IL1RAPL1: variants seen among roughly 807,000 people sequenced by gnomAD.
IL1RAPL1 encodes interleukin-1 receptor accessory protein-like 1.
A neutral mutation model predicts 48.4 loss-of-function variants in IL1RAPL1; 3 were observed. That is an observed-to-expected ratio of 0.06 (90% CI 0.03 to 0.16). The LOEUF is 0.16. Ranked by LOEUF, IL1RAPL1 falls within the 10% of genes least tolerant of loss-of-function variation. The pLI, the probability that IL1RAPL1 is intolerant of heterozygous loss-of-function variation, is 1.00. For synonymous variants in IL1RAPL1, 185 were observed against 187.7 expected (o/e 0.99, Z 0.12); for missense variants, 349 against 530.6 (o/e 0.66, Z 3.36).
intron 5 of IL1RAPL1, among the ~76,000 whole-genome samples, chrX:29,532,762 G>T (rs773031938): frequency 8.9e-6 from 1 of 112,090 alleles, no homozygotes; most frequent in Non-Finnish European, 1.9e-5. Flanking sequence ...CAGTGCCCAT[G>T]ATGGCCTTTC....
At chrX:29,751,055 TA>T (rs1385774753) in intron 6 of IL1RAPL1, among the ~76,000 whole-genome samples, 1 of 111,548 alleles carries the variant, frequency 9.0e-6, no homozygotes, top group African/African-American at 3.3e-5. Flanking sequence ...ATTTTTATAT[TA>T]AAAGTCAAAT....
At chrX:29,840,149 C>T (rs1195976887) in intron 6 of IL1RAPL1, among the ~76,000 whole-genome samples, 1 of 111,371 alleles carries the variant, frequency 9.0e-6, no homozygotes, top group Admixed American at 9.6e-5. Context: ...ATCTTAAAGT[C>T]GGCTTGACAT....
chrX:29,202,952 C>G (rs1930585324), intron 2 of IL1RAPL1, among the ~76,000 whole-genome samples: 1 of 110,889 alleles, frequency 9.0e-6, no homozygotes, highest in Non-Finnish European at 1.9e-5. Flanking sequence ...CATCAAACCC[C>G]CATGACATGC....
At chrX:29,231,533 C>T (rs959805598) in intron 2 of IL1RAPL1, among the ~76,000 whole-genome samples, 1 of 111,730 alleles carries the variant, frequency 9.0e-6, no homozygotes, top group Non-Finnish European at 1.9e-5. Flanking sequence ...CTGTAGGTGG[C>T]TTATCTAACT....
At chrX:29,817,413 C>T (rs138601376) in intron 6 of IL1RAPL1, among the ~76,000 whole-genome samples, 2,068 of 110,925 alleles carry the variant, frequency 0.019, 54 homozygotes, top group African/African-American at 0.064. Flanking sequence ...CCCAATTGAT[C>T]TGCATTGCAC....
At chrX:29,387,900 C>T (rs1332207136) in intron 3 of IL1RAPL1, among the ~76,000 whole-genome samples, 2 of 106,653 alleles carry the variant, frequency 1.9e-5, no homozygotes, top group East Asian at 5.9e-4. Context: ...GGCTGAGGCA[C>T]GATAATTCCT....
chrX:28,831,473 A>G (rs1921054350), intron 2 of IL1RAPL1, among the ~76,000 whole-genome samples: 1 of 109,093 alleles, frequency 9.2e-6, no homozygotes. Context: ...TCAGCCAGCT[A>G]CCAGAGAGAT....
chrX:28,618,303 C>T (rs924681727), intron 1 of IL1RAPL1, among the ~76,000 whole-genome samples: 1 of 112,249 alleles, frequency 8.9e-6, no homozygotes, highest in African/African-American at 3.2e-5. Flanking sequence ...TCTACTGATA[C>T]ACAATAATTC....
chrX:29,587,010 GTTTC>G (rs1224430732), intron 5 of IL1RAPL1, among the ~76,000 whole-genome samples: 2 of 110,025 alleles, frequency 1.8e-5, no homozygotes, highest in Non-Finnish European at 3.8e-5. Flanking sequence ...GATGCTTTTT[GTTTC>G]TTTTTGTTGC....
intron 5 of IL1RAPL1, among the ~76,000 whole-genome samples, chrX:29,611,186 A>G (rs1047977413): frequency 1.8e-5 from 2 of 111,358 alleles, no homozygotes; most frequent in Non-Finnish European, 3.8e-5. Context: ...CCAGGAGATA[A>G]TCAACTAAGA....
intron 2 of IL1RAPL1, among the ~76,000 whole-genome samples, chrX:28,894,545 A>G (rs1039843625): frequency 4.5e-5 from 5 of 111,656 alleles, no homozygotes; most frequent in Non-Finnish European, 7.5e-5. Context: ...GAGACTCAAC[A>G]AAGAGTGAAT....
intron 1 of IL1RAPL1, among the ~76,000 whole-genome samples, chrX:28,666,135 C>CTG (rs1934876348): frequency 9.0e-6 from 1 of 111,662 alleles, no homozygotes; most frequent in Non-Finnish European, 1.9e-5. Context: ...CCCCACTAGG[C>CTG]TGTGGTACCC....
intron 2 of IL1RAPL1, among the ~76,000 whole-genome samples, chrX:28,990,966 T>G (rs992296448): frequency 8.9e-6 from 1 of 112,143 alleles, no homozygotes; most frequent in Non-Finnish European, 1.9e-5. Context: ...AGTAGATGAC[T>G]AAACAAATGT....
intron 2 of IL1RAPL1, among the ~76,000 whole-genome samples, chrX:29,187,446 T>G (rs775982464): frequency 6.3e-5 from 7 of 111,132 alleles, no homozygotes; most frequent in African/African-American, 2.3e-4. Flanking sequence ...ACCCCAATTC[T>G]GAGGGTGTGG....
At chrX:29,603,529 C>T in intron 5 of IL1RAPL1, among the ~76,000 whole-genome samples, 1 of 111,509 alleles carries the variant, frequency 9.0e-6, no homozygotes, top group Admixed American at 9.6e-5. Context: ...CATTTTTCCA[C>T]AAGTCAACCA....
intron 6 of IL1RAPL1, among the ~76,000 whole-genome samples, chrX:29,863,493 T>C (rs766342111): frequency 5.4e-5 from 6 of 111,490 alleles, no homozygotes; most frequent in Non-Finnish European, 9.4e-5. Flanking sequence ...TAAATAGAAA[T>C]AACATTATAA....
At chrX:29,405,364 A>T (rs7049461) in intron 5 of IL1RAPL1, among the ~76,000 whole-genome samples, 7,037 of 95,096 alleles carry the variant, frequency 0.074, 973 homozygotes, top group African/African-American at 0.26. Flanking sequence ...TGTGTTCTTT[A>T]TTTATTTATT....
At chrX:29,145,170 T>C (rs1194844228) in intron 2 of IL1RAPL1, among the ~76,000 whole-genome samples, 1 of 112,271 alleles carries the variant, frequency 8.9e-6, no homozygotes, top group African/African-American at 3.2e-5. Flanking sequence ...TGAAATAATT[T>C]TGTTCATATC....
chrX:29,556,742 A>C (rs1922014461), intron 5 of IL1RAPL1, among the ~76,000 whole-genome samples: 1 of 111,857 alleles, frequency 8.9e-6, no homozygotes, highest in Non-Finnish European at 1.9e-5. Context: ...TGAAAAGTGT[A>C]ATAGGTTTGA....
Sources: gnomAD v4.1 joint callset for allele counts (sites outside exome capture counted in the v4.1 genomes callset) on GRCh38, gnomAD v4.1.1 for gene constraint, MANE v1.5 for transcripts, NCBI Gene and HGNC (gene_info 2026-07-23, HGNC 2026-07-21) for gene names.